Variants in BAZ1A observed in about 807,000 individuals in gnomAD.
BAZ1A encodes the protein bromodomain adjacent to zinc finger domain 1A.
In BAZ1A, 50 loss-of-function variants were observed where a neutral mutation model predicts 185.2. That is an observed-to-expected ratio of 0.27 (90% CI 0.22 to 0.34). BAZ1A has a LOEUF of 0.34. Among genes scored for constraint, BAZ1A ranks in the 10% least tolerant of loss-of-function variants. The pLI, the probability that BAZ1A is intolerant of heterozygous loss-of-function variation, is 1.00. For synonymous variants in BAZ1A, 571 were observed against 615.6 expected, an observed-to-expected ratio of 0.93 and a Z score of 1.07; for missense variants, 1,356 against 1,839.9, an observed-to-expected ratio of 0.74 and a Z score of 4.81.
intron 4 of BAZ1A, among the ~76,000 whole-genome samples, chr14:34,821,185 C>T (rs1201380535): frequency 6.6e-6 from 1 of 152,182 alleles, no homozygotes; most frequent in Admixed American, 6.5e-5. Context: ...GACATCTTGA[C>T]AACACTGCAT....
At chr14:34,867,923 T>TC (rs1433769742) in intron 2 of BAZ1A, among the ~76,000 whole-genome samples, 1 of 152,214 alleles carries the variant, frequency 6.6e-6, no homozygotes, top group Non-Finnish European at 1.5e-5. Flanking sequence ...CAATGCCTCT[T>TC]CAATTTCTAC....
chr14:34,783,168 TTTC>T lies in BAZ1A; in HGVS notation c.2059_2061del (p.Glu687del), dbSNP rs761512539. 6.2e-6 allele frequency: 10 copies of T among 1,605,266 alleles called. No individual in the cohort carries two copies. The highest frequency in any genetic ancestry group is 8.5e-6 in the Non-Finnish European group (10 of 1,174,594). Reference sequence around the variant, plus strand: ...TTTCTTTGCTCATCTTCTTTCAGTTTTTCTTGTTTCTCTTTCATTTTTTGTTCT... The same window carrying T: ...TTTCTTTGCTCATCTTCTTTCAGTTTTTGTTTCTCTTTCATTTTTTGTTCT... On this transcript the variant is annotated inframe_deletion, in exon 16 of 27. Coordinates refer to ENST00000360310, the MANE Select transcript of BAZ1A (RefSeq NM_013448.3).
At chr14:34,794,396 C>G (rs1268906979) in intron 11 of BAZ1A, among the ~76,000 whole-genome samples, 1 of 152,196 alleles carries the variant, frequency 6.6e-6, no homozygotes, top group Non-Finnish European at 1.5e-5. Context: ...ATTCCACAAT[C>G]CTGTTGAATC....
At chr14:34,766,978 A>T (rs1307566691) in intron 21 of BAZ1A, among the ~76,000 whole-genome samples, 1 of 152,274 alleles carries the variant, frequency 6.6e-6, no homozygotes, top group Admixed American at 6.5e-5. Flanking sequence ...AAAAAGATCC[A>T]GTTAGAACTT....
chr14:34,870,479 T>C (rs1320170199), intron 2 of BAZ1A, among the ~76,000 whole-genome samples: 1 of 152,222 alleles, frequency 6.6e-6, no homozygotes, highest in Non-Finnish European at 1.5e-5. Context: ...TTGGTCAGTA[T>C]GAAAGACATT....
chr14:34,832,206 A>ACAC (rs2042254382), intron 3 of BAZ1A, among the ~76,000 whole-genome samples: 1 of 121,638 alleles, frequency 8.2e-6, no homozygotes, highest in Non-Finnish European at 1.8e-5. Flanking sequence ...ACACACACAC[A>ACAC]CACACACACA....
At chr14:34,759,537 GTA>G (rs1402125041) in intron 24 of BAZ1A, among the ~76,000 whole-genome samples, 2 of 152,006 alleles carry the variant, frequency 1.3e-5, no homozygotes, top group Non-Finnish European at 2.9e-5. Flanking sequence ...CAATTCTCTA[GTA>G]TTTCCTAAAG....
Position 34,862,337 on chromosome 14 carries a change from A to G in BAZ1A, c.114-15T>C, listed in dbSNP as rs1178015147. The stretch of plus-strand genomic sequence containing the variant: ...CAAAAAAGTCACTGATTAAAAAACA[A>G]AAACAAAAACAAAAGCCCATTACCT... On this transcript the variant is annotated splice_polypyrimidine_tract_variant and intron_variant, in intron 2 of 26. Transcript: ENST00000360310. The G allele has an allele frequency of 3.2e-6, 5 of 1,581,902 alleles. No individual in the cohort carries two copies. Among genetic ancestry groups the G allele is most frequent in the Non-Finnish European group, 4.3e-6 (5 of 1,167,362 alleles).
At chr14:34,762,367 A>C in intron 23 of BAZ1A, 144 bp from the exon 24 acceptor site, 1 of 705,004 alleles carries the variant, frequency 1.4e-6, no homozygotes, top group South Asian at 2.2e-5. Flanking sequence ...AATTCCTTAA[A>C]GAGTCAGTAA....
intron 3 of BAZ1A, among the ~76,000 whole-genome samples, chr14:34,851,556 C>T (rs1032564724): frequency 6.6e-5 from 10 of 151,850 alleles, no homozygotes; most frequent in Admixed American, 2.6e-4. Flanking sequence ...TTCTCCAGTT[C>T]CAGGGGAGGG....
At chr14:34,770,408 C>T (rs1879134254) in intron 21 of BAZ1A, among the ~76,000 whole-genome samples, 1 of 152,248 alleles carries the variant, frequency 6.6e-6, no homozygotes, top group Non-Finnish European at 1.5e-5. Flanking sequence ...CCGCCTCGGC[C>T]TCCCAAAGTG....
At chr14:34,766,947 T>C (rs1348121082) in intron 21 of BAZ1A, among the ~76,000 whole-genome samples, 1 of 152,192 alleles carries the variant, frequency 6.6e-6, no homozygotes, top group Non-Finnish European at 1.5e-5. Flanking sequence ...AAGTTTAAAA[T>C]ATGAATAACC....
chr14:34,861,950 AG>A, intron 3 of BAZ1A, 93 bp downstream of exon 3: 1 of 1,389,720 alleles, frequency 7.2e-7, no homozygotes, highest in Admixed American at 2.0e-5. Flanking sequence ...GCATAGTAAA[AG>A]GGAAGATTTC....
At chr14:34,789,234 C>CT (rs2138625745) in intron 12 of BAZ1A, among the ~76,000 whole-genome samples, 1 of 152,234 alleles carries the variant, frequency 6.6e-6, no homozygotes, top group African/African-American at 2.4e-5. Flanking sequence ...GGCTCTCATC[C>CT]TGCAGCAATC....
intron 20 of BAZ1A, among the ~76,000 whole-genome samples, chr14:34,772,459 C>T (rs1228921564): frequency 6.6e-6 from 1 of 152,104 alleles, no homozygotes; most frequent in African/African-American, 2.4e-5. Flanking sequence ...CTATCAGTAC[C>T]CCATTCTAGT....
intron 2 of BAZ1A, among the ~76,000 whole-genome samples, chr14:34,870,575 G>A (rs2042934902): frequency 6.6e-6 from 1 of 152,140 alleles, no homozygotes; most frequent in Admixed American, 6.5e-5. Context: ...AAAGCCAAAT[G>A]TCTAAGCAGA....
chr14:34,821,760 AG>A (rs2042093144), intron 4 of BAZ1A, among the ~76,000 whole-genome samples: 38 of 151,184 alleles, frequency 2.5e-4, no homozygotes, highest in Admixed American at 4.6e-4. Flanking sequence ...CAAGGCGGGC[AG>A]ATCACCTGAG....
At chr14:34,862,347 C>A in intron 2 of BAZ1A, 25 bp from the exon 3 acceptor site, 1 of 1,581,342 alleles carries the variant, frequency 6.3e-7, no homozygotes, top group Non-Finnish European at 8.6e-7. Flanking sequence ...AAAACAAAAA[C>A]AAAAGCCCAT....
chr14:34,802,745 G>T, intron 7 of BAZ1A, 109 bp downstream of exon 7: 1 of 1,174,780 alleles, frequency 8.5e-7, no homozygotes, highest in Non-Finnish European at 1.2e-6. Flanking sequence ...GTGAGGTAAT[G>T]AGTTTCTTCC....
Sources: allele counts gnomAD v4.1 joint callset (sites outside exome capture counted in the v4.1 genomes callset), GRCh38; gene constraint gnomAD v4.1.1; transcripts MANE v1.5; gene names NCBI Gene and HGNC (gene_info 2026-07-23, HGNC 2026-07-21).